GRIA4: variants seen among roughly 807,000 people sequenced by gnomAD.
GRIA4 encodes the protein glutamate receptor 4.
Under a neutral mutation model 104.0 loss-of-function variants are expected in GRIA4, and 34 were observed. That is an observed-to-expected ratio of 0.33 (90% CI 0.25 to 0.44). The LOEUF (loss-of-function observed/expected upper bound fraction) is 0.44. GRIA4 is among the 20% of genes least tolerant of loss of function. GRIA4 has a pLI of 1.00. For missense variants in GRIA4, 750 were observed against 1,096.5 expected (o/e 0.68, Z 4.46); for synonymous variants, 386 against 381.9 (o/e 1.01, Z -0.13).
At chr11:105,812,744 T>C (rs184049490) in intron 4 of GRIA4, among the ~76,000 whole-genome samples, 221 of 152,158 alleles carry the variant, frequency 1.5e-3, no homozygotes, top group Non-Finnish European at 1.6e-3. Flanking sequence ...TGCTCATAAA[T>C]AGAGATATTT....
At chr11:105,954,576 ATAGTT>A (rs1329253366) in intron 14 of GRIA4, among the ~76,000 whole-genome samples, 8 of 152,246 alleles carry the variant, frequency 5.3e-5, no homozygotes, top group African/African-American at 1.9e-4. Context: ...ATATAAATGT[ATAGTT>A]TATTCTCAGA....
At chr11:105,795,607 T>G (rs1293400070) in intron 4 of GRIA4, among the ~76,000 whole-genome samples, 1 of 152,006 alleles carries the variant, frequency 6.6e-6, no homozygotes, top group South Asian at 2.1e-4. Flanking sequence ...TAGTGATGGG[T>G]GTTAACAAAC....
At chr11:105,724,094 A>C (rs1938020568) in intron 3 of GRIA4, among the ~76,000 whole-genome samples, 1 of 152,072 alleles carries the variant, frequency 6.6e-6, no homozygotes, top group South Asian at 2.1e-4. Context: ...GTCTATAGAG[A>C]ACAGTATGGA....
At chr11:105,624,752 A>G (rs1323540427) in intron 3 of GRIA4, among the ~76,000 whole-genome samples, 1 of 151,984 alleles carries the variant, frequency 6.6e-6, no homozygotes, top group African/African-American at 2.4e-5. Flanking sequence ...TGCTTTCTTA[A>G]TGGGAAGTCT....
At chr11:105,882,596 TAA>T (rs376973010) in intron 5 of GRIA4, among the ~76,000 whole-genome samples, 57 of 152,280 alleles carry the variant, frequency 3.7e-4, no homozygotes, top group African/African-American at 1.3e-3. Context: ...TATTCATTCT[TAA>T]AAGTCTGCCT....
intron 5 of GRIA4, among the ~76,000 whole-genome samples, chr11:105,863,751 G>C (rs531328099): frequency 6.6e-6 from 1 of 152,268 alleles, no homozygotes; most frequent in African/African-American, 2.4e-5. Flanking sequence ...TCCTGTCAGA[G>C]GGTGAGTAAG....
At chr11:105,962,726 G>A (rs996424919) in intron 14 of GRIA4, among the ~76,000 whole-genome samples, 1 of 152,086 alleles carries the variant, frequency 6.6e-6, no homozygotes, top group East Asian at 1.9e-4. Flanking sequence ...TCTATGCAAC[G>A]TCATTGTCAA....
intron 14 of GRIA4, among the ~76,000 whole-genome samples, chr11:105,955,184 G>A (rs1359513362): frequency 6.6e-6 from 1 of 151,410 alleles, no homozygotes; most frequent in African/African-American, 2.4e-5. Flanking sequence ...GGATATATGT[G>A]CAGAACGTGC....
rs750629342 is a variant in GRIA4, at chr11:105,753,101, C to G, written c.368C>G (p.Pro123Arg). ...LHISLITPSF[P>R]TEGESQFVLQ... ...ATCTCCCTCATCACACCAAGTTTCC[C>G]TACTGAGGGGGAGAGCCAGTTTGTG... Residue 123 changes from proline to arginine, a missense_variant, in exon 4 of 17, where the codon CCT (proline) becomes CGT (arginine). Transcript: ENST00000282499. The G allele has an allele frequency of 6.2e-7, 1 of 1,613,856 alleles. No individual in the cohort carries two copies. Among genetic ancestry groups the G allele is most frequent in the Non-Finnish European group, 8.5e-7 (1 of 1,179,884 alleles).
chr11:105,646,455 C>G (rs1010355860), intron 3 of GRIA4, among the ~76,000 whole-genome samples: 2 of 151,980 alleles, frequency 1.3e-5, no homozygotes, highest in African/African-American at 4.8e-5. Context: ...AGACAATCAC[C>G]CAATAGCCAT....
At chr11:105,802,080 G>C (rs2135839991) in intron 4 of GRIA4, among the ~76,000 whole-genome samples, 1 of 152,202 alleles carries the variant, frequency 6.6e-6, no homozygotes, top group Non-Finnish European at 1.5e-5. Flanking sequence ...CAGATGGGCA[G>C]ATGCGGCCAC....
chr11:105,735,547 C>T (rs906503503), intron 3 of GRIA4, among the ~76,000 whole-genome samples: 29 of 152,174 alleles, frequency 1.9e-4, no homozygotes, highest in Admixed American at 6.6e-5. Flanking sequence ...AAATTCATTA[C>T]ATACATTTCT....
intron 13 of GRIA4, among the ~76,000 whole-genome samples, chr11:105,927,747 T>C (rs1278058659): frequency 6.6e-6 from 1 of 151,408 alleles, no homozygotes; most frequent in South Asian, 2.1e-4. Context: ...TCCAGAGCTA[T>C]ACATTTGGTA....
rs1396136643 is a variant in GRIA4 at position 105,803,864 on chromosome 11, AG to A, written c.487+50645del. On this transcript the variant is annotated intron_variant, in intron 4 of 16. Coordinates refer to ENST00000282499, the MANE Select transcript of GRIA4 (RefSeq NM_000829.4). ...TATACCAAAAAAAAAAAAAAAAAAG[AG>A]AGAGAGAGAGAGAGAAGAGCCATGA... is the stretch of plus-strand genomic sequence containing the variant. Among the ~76,000 whole-genome samples, 5 of 130,808 alleles carry A rather than the reference AG, an allele frequency of 3.8e-5. No homozygotes were observed. In the South Asian group the frequency reaches 6.8e-4, roughly 18 times the overall value. 85.8% of individuals were successfully genotyped at this position (130,808 alleles called of 152,430 possible). A position where few individuals can be genotyped will look rare whatever the true frequency, so the allele number is the denominator to read the frequency against.
intron 5 of GRIA4, among the ~76,000 whole-genome samples, chr11:105,865,768 G>A (rs1220570521): frequency 1.3e-5 from 2 of 152,172 alleles, no homozygotes; most frequent in African/African-American, 4.8e-5. Context: ...TCAGACTTTG[G>A]TTCACATGTT....
At chr11:105,694,521 C>T (rs1953201807) in intron 3 of GRIA4, among the ~76,000 whole-genome samples, 1 of 151,968 alleles carries the variant, frequency 6.6e-6, no homozygotes, top group African/African-American at 2.4e-5. Context: ...ATCATTTTAA[C>T]ATATAATCAA....
At chr11:105,757,069 A>C (rs1940354079) in intron 4 of GRIA4, among the ~76,000 whole-genome samples, 1 of 152,164 alleles carries the variant, frequency 6.6e-6, no homozygotes, top group South Asian at 2.1e-4. Context: ...AACAATCAGA[A>C]TCAGGCAAGG....
chr11:105,629,211 T>G (rs1302912926), intron 3 of GRIA4, among the ~76,000 whole-genome samples: 3 of 151,520 alleles, frequency 2.0e-5, no homozygotes, highest in Non-Finnish European at 4.4e-5. Context: ...CCAGGCTGGG[T>G]GACAAAGTAA....
chr11:105,830,242 G>A (rs1424709916), intron 4 of GRIA4, among the ~76,000 whole-genome samples: 2 of 151,950 alleles, frequency 1.3e-5, no homozygotes, highest in Non-Finnish European at 2.9e-5. Context: ...ATTATTGATG[G>A]AATAAAATAG....
Sources: gnomAD v4.1 joint callset for allele counts (sites outside exome capture counted in the v4.1 genomes callset) on GRCh38, gnomAD v4.1.1 for gene constraint, MANE v1.5 for transcripts, NCBI Gene and HGNC (gene_info 2026-07-23, HGNC 2026-07-21) for gene names.